PIK3CB: variants seen among roughly 807,000 people sequenced by gnomAD.
The protein encoded by PIK3CB is phosphatidylinositol-4,5-bisphosphate 3-kinase catalytic subunit beta, also known as phosphatidylinositol 4,5-bisphosphate 3-kinase catalytic subunit beta isoform.
PIK3CB carries 39 observed loss-of-function variants against 136.8 expected under a neutral mutation model. That is an observed-to-expected ratio of 0.29 (90% confidence interval 0.22 to 0.37). The LOEUF is 0.37. Among genes scored for constraint, PIK3CB ranks in the 10% least tolerant of loss-of-function variants. The pLI, the probability that PIK3CB is intolerant of heterozygous loss-of-function variation, is 1.00. For synonymous variants in PIK3CB, 428 were observed against 436.6 expected (o/e 0.98, Z 0.25); for missense variants, 868 against 1,275.4 (o/e 0.68, Z 4.87).
intron 1 of PIK3CB, among the ~76,000 whole-genome samples, chr3:138,821,168 C>A (rs544997041): frequency 6.6e-6 from 1 of 152,034 alleles, no homozygotes; most frequent in Non-Finnish European, 1.5e-5. Flanking sequence ...GCCTGTAATC[C>A]CAGCTACTCA....
intron 1 of PIK3CB, among the ~76,000 whole-genome samples, chr3:138,799,036 A>G (rs549151733): frequency 4.1e-4 from 63 of 152,204 alleles, no homozygotes; most frequent in African/African-American, 1.5e-3. Flanking sequence ...AGACTGGGCA[A>G]CATGGCGAAA....
At chr3:138,813,849 A>G (rs1933185044) in intron 1 of PIK3CB, among the ~76,000 whole-genome samples, 1 of 152,182 alleles carries the variant, frequency 6.6e-6, no homozygotes, top group South Asian at 2.1e-4. Flanking sequence ...AGATATGAGC[A>G]TTCCAAAGAA....
At chr3:138,811,826 T>C (rs1470972895) in intron 1 of PIK3CB, among the ~76,000 whole-genome samples, 2 of 151,930 alleles carry the variant, frequency 1.3e-5, no homozygotes, top group East Asian at 3.9e-4. Context: ...TGGTGGCTTA[T>C]GCCTGTAATC....
intron 1 of PIK3CB, among the ~76,000 whole-genome samples, chr3:138,833,862 A>G (rs1372187296): frequency 6.6e-6 from 1 of 152,196 alleles, no homozygotes; most frequent in Non-Finnish European, 1.5e-5. Flanking sequence ...TCATTTCAGC[A>G]GTAATTCCCA....
At chr3:138,815,125 G>A (rs1201894226) in intron 1 of PIK3CB, among the ~76,000 whole-genome samples, 3 of 102,640 alleles carry the variant, frequency 2.9e-5, no homozygotes, top group African/African-American at 4.0e-5. Context: ...GGGCAACAGA[G>A]CGAGACTCCG....
At chr3:138,711,737 T>C (rs1417217745) in intron 10 of PIK3CB, among the ~76,000 whole-genome samples, 1 of 152,110 alleles carries the variant, frequency 6.6e-6, no homozygotes, top group Non-Finnish European at 1.5e-5. Context: ...AATGAATAAT[T>C]TGTTAATACT....
At chr3:138,765,982 G>A (rs2045728152) in intron 2 of PIK3CB, among the ~76,000 whole-genome samples, 1 of 152,116 alleles carries the variant, frequency 6.6e-6, no homozygotes, top group Non-Finnish European at 1.5e-5. Context: ...TTCCTTAAAA[G>A]AATAAAGTAA....
Position 138,737,748 on chromosome 3 carries a change from C to T in PIK3CB, c.760G>A (p.Val254Ile), listed in dbSNP as rs1417984373. ...YDYVLQVSGR[V>I]EYVFGDHPLI... ...GGATGATCACCAAAAACATATTCTA[C>T]TCTCCCGCTGACTTGCAACACATAA... The change falls in exon 6 of 24, where the codon GTA becomes ATA. Residue 254 changes from valine (V) to isoleucine (I), a missense_variant. Around this residue, in one of 4 missense-constraint regions of PIK3CB, gnomAD observed 612 missense variants for 801.1 expected, o/e 0.76. Coordinates refer to ENST00000674063, the MANE Select transcript of PIK3CB (RefSeq NM_006219.3). 1.9e-6 allele frequency: 3 copies of T among 1,609,940 alleles called. No individual in the cohort carries two copies. The highest frequency in any genetic ancestry group is 2.2e-5 in the East Asian group (1 of 44,666).
chr3:138,831,882 GC>G (rs1934056030), intron 1 of PIK3CB, among the ~76,000 whole-genome samples: 1 of 152,156 alleles, frequency 6.6e-6, no homozygotes, highest in Non-Finnish European at 1.5e-5. Context: ...TCGTGCCATT[GC>G]ACTCCAGCCT....
chr3:138,718,493 T>C (rs1371892891), intron 8 of PIK3CB, among the ~76,000 whole-genome samples: 2 of 152,254 alleles, frequency 1.3e-5, no homozygotes, highest in Non-Finnish European at 2.9e-5. Context: ...ATAGGTTCTT[T>C]GGCTCTGCAG....
In PIK3CB at chr3:138,684,751, G is replaced by A. The variant is rs768628634; in HGVS notation, c.2189C>T (p.Ala730Val). The A allele has an allele frequency of 2.8e-5, 45 of 1,613,752 alleles. 1 individual carries two copies. In the South Asian group the frequency reaches 4.5e-4, roughly 16 times the overall value. ...KTLNSLIKLN[A>V]VKLNRAKGKE... ...CCCTTTGGCTCTGTTTAACTTCACGGCATTCAGTTTGATTAAACTATTTAA... is the reference window on the plus strand; with the variant it reads ...CCCTTTGGCTCTGTTTAACTTCACGACATTCAGTTTGATTAAACTATTTAA... The change falls in exon 17 of 24, where the codon GCC becomes GTC. Residue 730 changes from alanine to valine, a missense_variant. Around this residue, in one of 4 missense-constraint regions of PIK3CB, gnomAD observed 165 missense variants for 295.4 expected, o/e 0.56. Coordinates refer to ENST00000674063, the MANE Select transcript of PIK3CB (RefSeq NM_006219.3).
intron 8 of PIK3CB, among the ~76,000 whole-genome samples, chr3:138,725,780 A>G (rs2044823740): frequency 6.6e-6 from 1 of 152,084 alleles, no homozygotes; most frequent in African/African-American, 2.4e-5. Flanking sequence ...CATTTTCATA[A>G]CTGCTTTAAT....
chr3:138,703,550 T>TTA (rs563928875), intron 12 of PIK3CB, among the ~76,000 whole-genome samples: 2,956 of 150,854 alleles, frequency 0.02, 69 homozygotes, highest in African/African-American at 0.055. Flanking sequence ...GTATACATAT[T>TTA]TATATATATA....
chr3:138,754,619 A>G (rs2045531736), intron 4 of PIK3CB, among the ~76,000 whole-genome samples: 1 of 152,194 alleles, frequency 6.6e-6, no homozygotes, highest in South Asian at 2.1e-4. Context: ...TTTATTGCCA[A>G]AAATAAACTA....
At chr3:138,819,142 A>T (rs928584288) in intron 1 of PIK3CB, among the ~76,000 whole-genome samples, 2 of 152,128 alleles carry the variant, frequency 1.3e-5, no homozygotes, top group Non-Finnish European at 2.9e-5. Context: ...AGGTCTGGAG[A>T]TCGAGACCAT....
intron 4 of PIK3CB, among the ~76,000 whole-genome samples, chr3:138,750,403 C>T (rs1295811720): frequency 6.6e-6 from 1 of 152,124 alleles, no homozygotes; most frequent in African/African-American, 2.4e-5. Flanking sequence ...CACCTCAGAT[C>T]ATCAGGCATT....
Position 138,665,187 on chromosome 3 carries a change from A to G in PIK3CB, c.2521T>C (p.Cys841Arg). 1 of 1,606,786 alleles carries G rather than the reference A, an allele frequency of 6.2e-7. No homozygotes were observed. Among genetic ancestry groups the G allele is most frequent in the Non-Finnish European group, 8.5e-7 (1 of 1,175,930 alleles). ...CCAGAGCGATCTCCTGTTGCTAAAC[A>G]GCCATAAGGCAACATCCTGGAAGGA... ...GLDLRMLPYG[C>R]LATGDRSGLI... The change falls in exon 20 of 24, where the codon TGT (cysteine) becomes CGT (arginine). Residue 841 changes from cysteine to arginine, a missense_variant. Physicochemically the swap from Cys to Arg is radical, Grantham distance 180. Transcript: ENST00000674063.
chr3:138,815,638 C>G (rs1351898003), intron 1 of PIK3CB, among the ~76,000 whole-genome samples: 1 of 152,012 alleles, frequency 6.6e-6, no homozygotes, highest in Non-Finnish European at 1.5e-5. Flanking sequence ...GCTATGCTGC[C>G]ATTTGTGAGA....
intron 4 of PIK3CB, among the ~76,000 whole-genome samples, chr3:138,749,654 A>G (rs1442816855): frequency 6.6e-6 from 1 of 152,054 alleles, no homozygotes. Flanking sequence ...TGAATAGGCC[A>G]TTCTTCACAT....
Sources: allele counts gnomAD v4.1 joint callset (sites outside exome capture counted in the v4.1 genomes callset), GRCh38; gene constraint gnomAD v4.1.1; regional missense constraint gnomAD v4.1.1; transcripts MANE v1.5; gene names NCBI Gene and HGNC (gene_info 2026-07-23, HGNC 2026-07-21).